PIGZ: variants seen among roughly 807,000 people sequenced by gnomAD.
PIGZ encodes phosphatidylinositol glycan anchor biosynthesis class Z (Gwada blood group), also known as GPI alpha-1,2-mannosyltransferase 4.
In PIGZ, 16 loss-of-function variants were observed where a neutral mutation model predicts 16.4. The observed-to-expected ratio is 0.97, with a 90% CI of 0.66 to 1.48. The LOEUF is 1.48. Ranked by LOEUF, PIGZ falls within the 40% of genes most tolerant of loss-of-function variation. The probability of loss-of-function intolerance (pLI) is 0.00; values close to 1 mark genes in which losing one functional copy is unlikely to be tolerated. For missense variants in PIGZ, 770 were observed against 739.2 expected, an observed-to-expected ratio of 1.04 and a Z score of -0.48; for synonymous variants, 409 against 338.4, an observed-to-expected ratio of 1.21 and a Z score of -2.29.
intron 1 of PIGZ, among the ~76,000 whole-genome samples, chr3:196,955,736 G>A (rs1258534183): frequency 2.6e-5 from 4 of 151,648 alleles, no homozygotes; most frequent in African/African-American, 9.7e-5. Flanking sequence ...GCACCACCAC[G>A]GCTGCCTAAT....
intron 1 of PIGZ, among the ~76,000 whole-genome samples, chr3:196,964,114 A>C (rs1410998242): frequency 6.6e-6 from 1 of 151,720 alleles, no homozygotes; most frequent in African/African-American, 2.4e-5. Flanking sequence ...GCAGTGGTGC[A>C]ATCTCAGCTC....
intron 1 of PIGZ, among the ~76,000 whole-genome samples, chr3:196,960,390 G>A (rs555584851): frequency 3.3e-5 from 5 of 152,118 alleles, no homozygotes; most frequent in Non-Finnish European, 5.9e-5. Context: ...AGAAAATAAC[G>A]GCTGGGAGCG....
rs1166726058 is a variant in PIGZ, at chr3:196,948,199, A to G, written c.698T>C (p.Phe233Ser). The G allele has an allele frequency of 6.2e-7, 1 of 1,614,028 alleles. No individual in the cohort carries two copies. Among genetic ancestry groups the G allele is most frequent in the African/African-American group, 1.3e-5 (1 of 74,930 alleles). The change falls in exon 3 of 3, where the codon TTT (phenylalanine) becomes TCT (serine). Residue 233 changes from phenylalanine to serine, a missense_variant. Phe to Ser is a radical substitution (Grantham distance 155). Coordinates refer to ENST00000412723, the MANE Select transcript of PIGZ (RefSeq NM_025163.4). ...GFFNRPTFLA[F>S]AVVPLYLWGT... ...CCAGAGGTAGAGGGGGACCACAGCA[A>G]AGGCCAGAAAGGTGGGCCGGTTGAA... is the stretch of plus-strand genomic sequence containing the variant.
intron 1 of PIGZ, among the ~76,000 whole-genome samples, chr3:196,962,031 G>A (rs560080831): frequency 3.9e-5 from 6 of 152,210 alleles, no homozygotes; most frequent in South Asian, 4.2e-4. Context: ...GAATGAAATC[G>A]TAAGGTCTGT....
intron 2 of PIGZ, among the ~76,000 whole-genome samples, chr3:196,948,887 TC>T (rs60146838): frequency 0.11 from 1,373 of 12,572 alleles, 320 homozygotes; most frequent in East Asian, 0.4. Context: ...TTCCCTTCCT[TC>T]CCCTTCCTTC....
intron 1 of PIGZ, among the ~76,000 whole-genome samples, chr3:196,964,779 C>T (rs1717861477): frequency 6.6e-6 from 1 of 152,304 alleles, no homozygotes; most frequent in South Asian, 2.1e-4. Context: ...CTCTGTCACC[C>T]AGGCTGGAGC....
chr3:196,952,766 A>T (rs1717341027), intron 1 of PIGZ, among the ~76,000 whole-genome samples: 1 of 152,208 alleles, frequency 6.6e-6, no homozygotes, highest in African/African-American at 2.4e-5. Flanking sequence ...TAGACTAAGA[A>T]GATCAGCTGC....
rs148698371 is a variant in PIGZ, at chr3:196,962,455, C to T, written c.-1+6232G>A. Among the ~76,000 whole-genome samples, 413 of 152,248 alleles carry T rather than the reference C, an allele frequency of 2.7e-3. 3 individuals carry two copies. Among genetic ancestry groups the T allele is most frequent in the African/African-American group, 9.5e-3 (394 of 41,532 alleles). ...AGACCTTACATTATAGTCCCCCAGC[C>T]GGACACCCATAAAAGGTCTGTGCTG... is the stretch of plus-strand genomic sequence containing the variant. On this transcript the variant is annotated intron_variant, in intron 1 of 2. Transcript: ENST00000412723.
At chr3:196,957,131 A>G (rs1357494042) in intron 1 of PIGZ, among the ~76,000 whole-genome samples, 1 of 151,842 alleles carries the variant, frequency 6.6e-6, no homozygotes, top group Non-Finnish European at 1.5e-5. Context: ...GGGCATTACA[A>G]GCCTAGGACC....
intron 2 of PIGZ, 116 bp from the exon 3 acceptor site, chr3:196,948,801 G>C: frequency 1.4e-6 from 1 of 690,162 alleles, no homozygotes; most frequent in South Asian, 3.0e-5. Context: ...GTAATCCCTG[G>C]GACTGTGCAC....
intron 1 of PIGZ, among the ~76,000 whole-genome samples, chr3:196,954,051 G>A (rs1279371827): frequency 6.6e-6 from 1 of 151,964 alleles, no homozygotes; most frequent in Non-Finnish European, 1.5e-5. Flanking sequence ...GGGAGGCTGA[G>A]GCAGGCAGAT....
intron 1 of PIGZ, among the ~76,000 whole-genome samples, chr3:196,967,594 G>C (rs1717982955): frequency 6.6e-6 from 1 of 152,188 alleles, no homozygotes. Flanking sequence ...CTACTCCAGG[G>C]GTACAAGGTG....
In PIGZ at chr3:196,947,203, C is replaced by T. The variant is rs150575393; in HGVS notation, c.1694G>A (p.Arg565Lys). ...ALSSLLSGAW[R>K]DHLSLHIVEL... ...CACAATGTGAAGACTGAGGTGGTCCCTCCAAGCCCCACTCAGCAAGGAGGA... is the reference window on the plus strand; with the variant it reads ...CACAATGTGAAGACTGAGGTGGTCCTTCCAAGCCCCACTCAGCAAGGAGGA... Residue 565 changes from arginine to lysine, a missense_variant, in exon 3 of 3, where the codon AGG becomes AAG. Physicochemically the swap from Arg to Lys is conservative, Grantham distance 26. Transcript: ENST00000412723. 9 of 1,591,694 alleles carry T rather than the reference C, an allele frequency of 5.7e-6. No homozygotes were observed. The highest frequency in any genetic ancestry group is 7.7e-6 in the Non-Finnish European group (9 of 1,168,176).
Position 196,951,870 on chromosome 3 carries a change from C to T in PIGZ, c.162G>A (p.Thr54=), listed in dbSNP as rs1398116092. 2.0e-5 allele frequency: 32 copies of T among 1,614,164 alleles called. No individual in the cohort carries two copies. The highest frequency in any genetic ancestry group is 2.5e-5 in the Non-Finnish European group (30 of 1,180,030). Residue 54 remains threonine, a synonymous_variant, in exon 2 of 3, where the codon ACG becomes ACA. Coordinates refer to ENST00000412723, the MANE Select transcript of PIGZ (RefSeq NM_025163.4). ...AGAACTCATCTGGGTGCACATAGCC[C>T]GTCTGCGGAAGGAGACACCACAGCA... ...LRVLWCLLPQ[T]GYVHPDEFFQ... is the part of the protein sequence containing the mutation.
intron 2 of PIGZ, among the ~76,000 whole-genome samples, chr3:196,949,414 T>C (rs1717172589): frequency 6.6e-6 from 1 of 152,194 alleles, no homozygotes; most frequent in Non-Finnish European, 1.5e-5. Flanking sequence ...CACTGCTGGC[T>C]TCAAGACGGA....
intron 2 of PIGZ, among the ~76,000 whole-genome samples, chr3:196,950,596 C>G (rs1026066227): frequency 6.6e-5 from 10 of 151,892 alleles, no homozygotes; most frequent in African/African-American, 2.2e-4. Context: ...AATCCAGGAT[C>G]AAATCTATCT....
rs202160888 is a variant in PIGZ at position 196,948,293 on chromosome 3, G to C, written c.604C>G (p.Arg202Gly). 7 of 1,614,016 alleles carry C rather than the reference G, an allele frequency of 4.3e-6. No homozygotes were observed. The highest frequency in any genetic ancestry group is 1.1e-5 in the South Asian group (1 of 91,086). Residue 202 changes from arginine to glycine, a missense_variant, in exon 3 of 3, where the codon CGC (arginine) becomes GGC (glycine). Arg to Gly is a moderately radical substitution (Grantham distance 125). Coordinates refer to ENST00000412723, the MANE Select transcript of PIGZ (RefSeq NM_025163.4). ...CGTGGACCCGGCGCCGGCTCCTTGC[G>C]TGTAGGGCCCCACGTTACATGGGAG... ...VSSHVTWGPT[R>G]KEPAPGPRWR...
At position 196,965,214 on chromosome 3, in the gene PIGZ, C is replaced by T. The variant is rs1288587489; in HGVS notation, c.-1+3473G>A. ...CTAAATAAAAGAGGTTTCATTGACT[C>T]ACAGTTCTACATTGCTGGGGAAGTT... On this transcript the variant is annotated intron_variant, in intron 1 of 2. Transcript: ENST00000412723. The surrounding 1 kb of genome is among the most constrained non-coding windows in gnomAD (Gnocchi z 4.2). 1.3e-5 allele frequency among the ~76,000 whole-genome samples: 2 copies of T among 151,812 alleles called. No individual in the cohort carries two copies. The highest frequency in any genetic ancestry group is 2.9e-5 in the Non-Finnish European group (2 of 68,018).
chr3:196,948,879 C>T (rs11714230), intron 2 of PIGZ, among the ~76,000 whole-genome samples, 194 bp from the exon 3 acceptor site: 416 of 9,576 alleles, frequency 0.043, 79 homozygotes, highest in African/African-American at 0.19. Context: ...TTCCTTCCTT[C>T]CCTTCCTTCC....
Sources: allele counts gnomAD v4.1 joint callset (sites outside exome capture counted in the v4.1 genomes callset), GRCh38; gene constraint gnomAD v4.1.1; non-coding constraint Gnocchi (gnomAD v3.1); transcripts MANE v1.5; gene names NCBI Gene and HGNC (gene_info 2026-07-23, HGNC 2026-07-21).